Variants in PICK1 observed in about 807,000 individuals in gnomAD.
PICK1 encodes PRKCA-binding protein.
In PICK1, 23 loss-of-function variants were observed where a neutral mutation model predicts 48.9. The observed-to-expected ratio is 0.47, with a 90% CI of 0.34 to 0.67. The LOEUF (loss-of-function observed/expected upper bound fraction) is 0.67. Among genes scored for constraint, PICK1 ranks in the 30% least tolerant of loss-of-function variants. PICK1 has a pLI of 0.01. For synonymous variants in PICK1, 217 were observed against 228.2 expected, an observed-to-expected ratio of 0.95 and a Z score of 0.44; for missense variants, 423 against 557.1, an observed-to-expected ratio of 0.76 and a Z score of 2.42.
At position 38,074,335 on chromosome 22, in the gene PICK1, G is replaced by A; in HGVS notation, c.863G>A (p.Ser288Asn). Residue 288 changes from serine (S) to asparagine (N), a missense_variant, in exon 12 of 13, where the codon AGC (serine) becomes AAC (asparagine). Ser to Asn is a conservative substitution (Grantham distance 46, BLOSUM62 1). Transcript: ENST00000356976. The surrounding 1 kb of genome is among the most constrained non-coding windows in gnomAD (Gnocchi z 4.5). ...CTAGGCGAGCCCCTTTACCGGGTGA[G>A]CACCGGCAACTATGAGTACCGCCTG... ...IALGEPLYRVSTGNYEYRLIL... is the reference protein window; with the variant it reads ...IALGEPLYRVNTGNYEYRLIL... The A allele has an allele frequency of 5.6e-6, 9 of 1,612,838 alleles. No individual in the cohort carries two copies. Among genetic ancestry groups the A allele is most frequent in the Non-Finnish European group, 6.8e-6 (8 of 1,179,896 alleles).
rs761247405 is a variant in PICK1 at position 38,075,026 on chromosome 22, G to GGGAGGA, written c.1158_1163dup (p.Glu387_Glu388dup). On this transcript the variant is annotated inframe_insertion, in exon 13 of 13. Transcript: ENST00000356976. ...CTCAACCAGGAGGAGTTCACAGATG[G>GGGAGGA]GGAGGAGGAGGAGGAGGAGGAAGAC... 9 of 1,612,770 alleles carry GGGAGGA rather than the reference G, an allele frequency of 5.6e-6. No individual in the cohort carries two copies. The highest frequency in any genetic ancestry group is 2.2e-5 in the South Asian group (2 of 91,048).
intron 4 of PICK1, 57 bp downstream of exon 4, chr22:38,065,187 C>G: frequency 2.6e-6 from 4 of 1,567,774 alleles, no homozygotes; most frequent in Non-Finnish European, 3.5e-6. Flanking sequence ...TCTGAGACCT[C>G]CAGGCTGCCA....
chr22:38,064,704 T>C (rs1318060523), intron 3 of PICK1, among the ~76,000 whole-genome samples: 1 of 152,138 alleles, frequency 6.6e-6, no homozygotes, highest in Non-Finnish European at 1.5e-5. Flanking sequence ...GAGGTTGCGG[T>C]GAGCGAGATG....
In PICK1 at chr22:38,066,579, G is replaced by C. The variant is rs911653783; in HGVS notation, c.283-1125G>C. On this transcript the variant is annotated intron_variant, in intron 4 of 12. Transcript: ENST00000356976. The surrounding 1 kb of genome is among the most constrained non-coding windows in gnomAD (Gnocchi z 4.1). ...TGCTTGTGGTCACACAGCTGAACTG[G>C]AGCCCGGGCCCGACTCCCACTGCAG... Among the ~76,000 whole-genome samples, 1 of 152,162 alleles carries C rather than the reference G, an allele frequency of 6.6e-6. No homozygotes were observed. Among genetic ancestry groups the C allele is most frequent in the African/African-American group, 2.4e-5 (1 of 41,436 alleles).
chr22:38,059,490 G>A, intron 3 of PICK1, 145 bp downstream of exon 3: 4 of 677,342 alleles, frequency 5.9e-6, no homozygotes, highest in South Asian at 5.0e-5. Flanking sequence ...CACCTGCGCT[G>A]CGTTGCTCTG....
chr22:38,061,343 A>AAATAATAAT (rs6147619), intron 3 of PICK1, among the ~76,000 whole-genome samples: 1 of 148,756 alleles, frequency 6.7e-6, no homozygotes, highest in Non-Finnish European at 1.5e-5. Context: ...TCCGTCTCAA[A>AAATAATAAT]AATAATAATA....
intron 8 of PICK1, among the ~76,000 whole-genome samples, 186 bp from the exon 9 acceptor site, chr22:38,072,291 C>G (rs1026040619): frequency 4.7e-4 from 71 of 152,182 alleles, no homozygotes; most frequent in African/African-American, 1.7e-3. Flanking sequence ...GGTGTCAATC[C>G]AGTTTCCTCC....
At chr22:38,063,045 G>A (rs913963861) in intron 3 of PICK1, among the ~76,000 whole-genome samples, 3 of 152,102 alleles carry the variant, frequency 2.0e-5, no homozygotes, top group South Asian at 2.1e-4. Context: ...CTCAGAGGGC[G>A]TCATCGGGAA....
chr22:38,071,659 G>A (rs139697717), intron 7 of PICK1, 23 bp from the exon 8 acceptor site: 34 of 1,609,902 alleles, frequency 2.1e-5, no homozygotes, highest in Non-Finnish European at 2.5e-5. Context: ...TCCCCATTCC[G>A]CATCACTCGG....
In PICK1 at chr22:38,066,913, C is replaced by T. The variant is rs965194965; in HGVS notation, c.283-791C>T. 6.6e-5 allele frequency among the ~76,000 whole-genome samples: 10 copies of T among 152,188 alleles called. No individual in the cohort carries two copies. Among genetic ancestry groups the T allele is most frequent in the East Asian group, 1.9e-4 (1 of 5,184 alleles). ...AAGTGGTTTGTGTAATTCCCTGATTCGCATCAGCCTTGCGGGGCTGGGGCT... is the reference window on the plus strand; with the variant it reads ...AAGTGGTTTGTGTAATTCCCTGATTTGCATCAGCCTTGCGGGGCTGGGGCT... On this transcript the variant is annotated intron_variant, in intron 4 of 12. Coordinates refer to ENST00000356976, the MANE Select transcript of PICK1 (RefSeq NM_012407.4). The surrounding 1 kb of genome is among the most constrained non-coding windows in gnomAD (Gnocchi z 4.1).
At chr22:38,062,041 G>A (rs1353862529) in intron 3 of PICK1, among the ~76,000 whole-genome samples, 2 of 152,094 alleles carry the variant, frequency 1.3e-5, no homozygotes, top group Non-Finnish European at 2.9e-5. Context: ...TAGGCACTAG[G>A]GATAAAAGAA....
Position 38,075,194 on chromosome 22 carries a change from C to A in PICK1, c.*62C>A. ...GGGAGGACGGAGCCTGGGAGCGGGG[C>A]GGGGCCGCCGCGCAAGGGGGCGACG... On this transcript the variant is annotated 3_prime_UTR_variant, in exon 13 of 13. Coordinates refer to ENST00000356976, the MANE Select transcript of PICK1 (RefSeq NM_012407.4). The A allele has an allele frequency of 1.3e-6, 2 of 1,518,536 alleles. No individual in the cohort carries two copies. 94.1% of individuals were successfully genotyped at this position (1,518,536 alleles called of 1,614,324 possible).
Position 38,057,738 on chromosome 22 carries a change from C to G in PICK1, c.-57-15C>G. The G allele has an allele frequency of 6.5e-6, 9 of 1,386,624 alleles. No homozygotes were observed. Among genetic ancestry groups the G allele is most frequent in the African/African-American group, 1.4e-5 (1 of 70,438 alleles). The allele number at this position is 1,386,624 out of a possible 1,614,324, so 85.9% of individuals were successfully genotyped here. ...GGTTCCTTAAATCCTATGCTCCTTT[C>G]TCTCCCGGATCCAGTTCCCCATTCC... On this transcript the variant is annotated splice_polypyrimidine_tract_variant and intron_variant, in intron 1 of 12. Transcript: ENST00000356976.
In PICK1 at chr22:38,075,266, C is replaced by A; in HGVS notation, c.*134C>A. 1.2e-6 allele frequency: 1 copy of A among 851,806 alleles called. No homozygotes were observed. The highest frequency in any genetic ancestry group is 1.8e-5 in the South Asian group (1 of 55,618). The allele number at this position is 851,806 out of a possible 1,614,324, so 52.8% of individuals were successfully genotyped here. ...GGCGCCTGCCTCCCTGCTCCTCTGT[C>A]CTCGCACAGCGAACCTGGGCTCCTG... On this transcript the variant is annotated 3_prime_UTR_variant, in exon 13 of 13. Coordinates refer to ENST00000356976, the MANE Select transcript of PICK1 (RefSeq NM_012407.4).
chr22:38,059,365 G>T lies in PICK1; in HGVS notation c.153+20G>T. On this transcript the variant is annotated intron_variant, in intron 3 of 12. Transcript: ENST00000356976. ...GTCCAGGTATTGGGCGCTTTGGAGG[G>T]GGGCACAAGGTACATCCCTACTTGG... 6.8e-7 allele frequency: 1 copy of T among 1,466,740 alleles called. No individual in the cohort carries two copies. Among genetic ancestry groups the T allele is most frequent in the Non-Finnish European group, 9.4e-7 (1 of 1,069,070 alleles). The allele number at this position is 1,466,740 out of a possible 1,614,324, so 90.9% of individuals were successfully genotyped here.
chr22:38,067,327 T>TTGG, intron 4 of PICK1: 1 of 193,394 alleles, frequency 5.2e-6, no homozygotes, highest in Non-Finnish European at 1.1e-5. Context: ...TTTTTTTTTT[T>TTGG]GAGACAGAAT....
At chr22:38,061,772 C>T (rs1231295537) in intron 3 of PICK1, among the ~76,000 whole-genome samples, 2 of 152,184 alleles carry the variant, frequency 1.3e-5, no homozygotes, top group African/African-American at 4.8e-5. Context: ...CCACCCGCCT[C>T]AGCCTCCCAA....
Position 38,074,983 on chromosome 22 carries a change from A to G in PICK1, c.1099A>G (p.Thr367Ala). Residue 367 changes from threonine to alanine, a missense_variant, in exon 13 of 13, where the codon ACC becomes GCC. Physicochemically the swap from Thr to Ala is moderately conservative, Grantham distance 58. Around this residue, in one of 2 missense-constraint regions of PICK1, gnomAD observed 144 missense variants for 139.3 expected, o/e 1.03. Coordinates refer to ENST00000356976, the MANE Select transcript of PICK1 (RefSeq NM_012407.4). This position sits in a 1 kb window ranked among gnomAD's most constrained non-coding sequence, Gnocchi z 4.5. The stretch of plus-strand genomic sequence containing the variant: ...CCCCATCGAGGTAGACCTGGCGCAC[A>G]CCACATTGGCCTATGGCCTCAACCA... ...VFPIEVDLAH[T>A]TLAYGLNQEE... is the part of the protein sequence containing the mutation. The G allele has an allele frequency of 6.2e-7, 1 of 1,613,670 alleles. No individual in the cohort carries two copies. The highest frequency in any genetic ancestry group is 8.5e-7 in the Non-Finnish European group (1 of 1,179,988).
At chr22:38,065,375 G>A in intron 4 of PICK1, 1 of 497,404 alleles carries the variant, frequency 2.0e-6, no homozygotes, top group African/African-American at 1.9e-5. Context: ...AAGACCACAA[G>A]GTCCCCATGA....
Sources: allele counts gnomAD v4.1 joint callset (sites outside exome capture counted in the v4.1 genomes callset), GRCh38; gene constraint gnomAD v4.1.1; regional missense constraint gnomAD v4.1.1; non-coding constraint Gnocchi (gnomAD v3.1); transcripts MANE v1.5; gene names NCBI Gene and HGNC (gene_info 2026-07-23, HGNC 2026-07-21).